The following TMEM217B variants were observed in gnomAD, a reference collection of about 807,000 sequenced individuals.
TMEM217B encodes the protein transmembrane protein 217B.
At chr6:37,257,889 G>A in the TMEM217B span, 2 of 1,611,294 alleles carry the variant, frequency 1.2e-6, no homozygotes, top group South Asian at 1.1e-5. Context: ...CCCTTGGCCC[G>A]CCTACAAGGA....
the TMEM217B span, among the ~76,000 whole-genome samples, chr6:37,230,105 T>C: frequency 6.6e-6 from 1 of 152,220 alleles, no homozygotes; most frequent in African/African-American, 2.4e-5. Context: ...TTCCAGGCCT[T>C]GCTCCTGAGC....
At chr6:37,216,371 G>T in the TMEM217B span, among the ~76,000 whole-genome samples, 30 of 152,116 alleles carry the variant, frequency 2.0e-4, no homozygotes, top group Non-Finnish European at 2.8e-4. Context: ...GAGCCCCTGC[G>T]CCTGGCCCGA....
At chr6:37,248,928 A>G in the TMEM217B span, among the ~76,000 whole-genome samples, 2 of 152,226 alleles carry the variant, frequency 1.3e-5, no homozygotes, top group Non-Finnish European at 2.9e-5. Flanking sequence ...AGTCTCTGGC[A>G]GAGAATCCTT....
the TMEM217B span, among the ~76,000 whole-genome samples, chr6:37,252,633 ATATATTTTTTTTTTTTT>A: frequency 1.3e-5 from 1 of 75,278 alleles, no homozygotes; most frequent in Non-Finnish European, 2.5e-5. Context: ...ATATATATAT[ATATATTTTTTTTTTTTT>A]TTTTTTTTTG....
At chr6:37,254,602 T>G in the TMEM217B span, among the ~76,000 whole-genome samples, 2 of 152,228 alleles carry the variant, frequency 1.3e-5, no homozygotes, top group African/African-American at 4.8e-5. Context: ...AAACACTGTT[T>G]CTATCATCTT....
At chr6:37,238,735 G>C in the TMEM217B span, among the ~76,000 whole-genome samples, 8 of 152,284 alleles carry the variant, frequency 5.3e-5, no homozygotes, top group South Asian at 1.7e-3. Context: ...AAAACAAGTA[G>C]GCTAAGGATG....
the TMEM217B span, among the ~76,000 whole-genome samples, chr6:37,215,597 A>AAAAAAG: frequency 4.1e-5 from 6 of 146,882 alleles, no homozygotes; most frequent in African/African-American, 1.3e-4. Context: ...AAAAAAAAAA[A>AAAAAAG]AAAAGAAAAG....
At chr6:37,222,458 C>G in the TMEM217B span, among the ~76,000 whole-genome samples, 1 of 152,200 alleles carries the variant, frequency 6.6e-6, no homozygotes, top group Non-Finnish European at 1.5e-5. Flanking sequence ...CCTGGGGTCC[C>G]CGAGGGTGCA....
the TMEM217B span, among the ~76,000 whole-genome samples, chr6:37,216,032 T>TGTGTGA: frequency 2.2e-4 from 30 of 138,566 alleles, no homozygotes; most frequent in African/African-American, 7.7e-4. Flanking sequence ...TGTGTGTGTG[T>TGTGTGA]GAGAAACAGA....
the TMEM217B span, among the ~76,000 whole-genome samples, chr6:37,227,968 TA>T: frequency 1.2e-4 from 18 of 152,138 alleles, no homozygotes; most frequent in African/African-American, 4.3e-4. Flanking sequence ...AAAAAAAAGT[TA>T]ATGTTTCCAT....
At chr6:37,212,512 G>A in the TMEM217B span, 2 of 457,258 alleles carry the variant, frequency 4.4e-6, no homozygotes, top group Non-Finnish European at 8.8e-6. Flanking sequence ...CCTGCCCACA[G>A]TCTGGGATTC....
the TMEM217B span, among the ~76,000 whole-genome samples, chr6:37,254,279 A>G: frequency 6.6e-6 from 1 of 152,156 alleles, no homozygotes; most frequent in Non-Finnish European, 1.5e-5. Flanking sequence ...GGACCAGTGA[A>G]TGTCTGCCAA....
chr6:37,247,525 C>T, the TMEM217B span, among the ~76,000 whole-genome samples: 1 of 151,886 alleles, frequency 6.6e-6, no homozygotes, highest in South Asian at 2.1e-4. Flanking sequence ...GTAGCTGGGA[C>T]TACAGGTGCG....
chr6:37,256,481 G>A, the TMEM217B span, among the ~76,000 whole-genome samples: 1 of 152,190 alleles, frequency 6.6e-6, no homozygotes, highest in Middle Eastern at 3.4e-3. Flanking sequence ...GAATAGAGGG[G>A]CTTTTTTTCT....
At chr6:37,225,020 A>AC in the TMEM217B span, among the ~76,000 whole-genome samples, 11 of 151,344 alleles carry the variant, frequency 7.3e-5, no homozygotes, top group African/African-American at 2.7e-4. Context: ...AAAAAAAAAA[A>AC]AAAAAACACC....
At chr6:37,239,322 CTACAA>C in the TMEM217B span, among the ~76,000 whole-genome samples, 1 of 151,692 alleles carries the variant, frequency 6.6e-6, no homozygotes, top group African/African-American at 2.4e-5. Context: ...AAACCCATCT[CTACAA>C]AACATACAAA....
the TMEM217B span, among the ~76,000 whole-genome samples, chr6:37,226,071 G>A: frequency 6.6e-6 from 1 of 152,072 alleles, no homozygotes; most frequent in Non-Finnish European, 1.5e-5. Flanking sequence ...TTGACGAAGT[G>A]TAATGAGAAC....
At chr6:37,227,640 T>A in the TMEM217B span, among the ~76,000 whole-genome samples, 1 of 152,072 alleles carries the variant, frequency 6.6e-6, no homozygotes, top group Non-Finnish European at 1.5e-5. Context: ...GAGGTGGGGT[T>A]TCATCATGCT....
chr6:37,254,879 A>G, the TMEM217B span, among the ~76,000 whole-genome samples: 1 of 152,256 alleles, frequency 6.6e-6, no homozygotes, highest in African/African-American at 2.4e-5. Context: ...GAGGGGGGTT[A>G]AAGGATGAAA....
Sources: allele counts gnomAD v4.1 joint callset (sites outside exome capture counted in the v4.1 genomes callset), GRCh38; gene constraint gnomAD v4.1.1; transcripts MANE v1.5; gene names NCBI Gene and HGNC (gene_info 2026-07-23, HGNC 2026-07-21).